RIT2: variants seen among roughly 807,000 people sequenced by gnomAD.
RIT2 encodes GTP-binding protein Rit2.
Under a neutral mutation model 23.7 loss-of-function variants are expected in RIT2, and 24 were observed. The ratio of observed to expected loss-of-function variants is 1.01; its 90% CI spans 0.73 to 1.43. RIT2 has a LOEUF of 1.43. Ranked by LOEUF, RIT2 falls within the 40% of genes most tolerant of loss-of-function variation. RIT2 has a pLI of 0.00. For missense variants in RIT2, 236 were observed against 266.9 expected (o/e 0.88, Z 0.81); for synonymous variants, 107 against 91.1 (o/e 1.17, Z -0.99).
At chr18:42,944,521 T>C (rs1439124150) in intron 3 of RIT2, among the ~76,000 whole-genome samples, 1 of 152,058 alleles carries the variant, frequency 6.6e-6, no homozygotes, top group African/African-American at 2.4e-5. Context: ...GCCCCTGTGA[T>C]TTCGAGAGAA....
chr18:42,778,659 T>C (rs1354912243), intron 4 of RIT2, among the ~76,000 whole-genome samples: 1 of 148,658 alleles, frequency 6.7e-6, no homozygotes, highest in East Asian at 2.0e-4. Flanking sequence ...CATTACCAGC[T>C]CTATTACCCA....
At chr18:42,921,730 C>A (rs1483950934) in intron 4 of RIT2, among the ~76,000 whole-genome samples, 1 of 152,000 alleles carries the variant, frequency 6.6e-6, no homozygotes, top group African/African-American at 2.4e-5. Context: ...TAACTGAAAC[C>A]CTGTCAGAGG....
At chr18:43,067,477 C>T (rs1030417633) in intron 1 of RIT2, among the ~76,000 whole-genome samples, 1 of 152,074 alleles carries the variant, frequency 6.6e-6, no homozygotes, top group Non-Finnish European at 1.5e-5. Flanking sequence ...AGACATGAGA[C>T]ATCAATCAAA....
intron 4 of RIT2, among the ~76,000 whole-genome samples, chr18:42,809,913 A>G (rs1190713092): frequency 6.9e-6 from 1 of 143,888 alleles, no homozygotes; most frequent in Non-Finnish European, 1.5e-5. Flanking sequence ...TATAATATAT[A>G]TAATTTGTAT....
At chr18:42,954,360 G>A (rs9945439) in intron 3 of RIT2, among the ~76,000 whole-genome samples, 1,959 of 132,148 alleles carry the variant, frequency 0.015, 57 homozygotes, top group African/African-American at 0.053. Flanking sequence ...TAGGCAATGA[G>A]TGAATTTCCA....
chr18:42,951,014 T>A (rs1197151605), intron 3 of RIT2, among the ~76,000 whole-genome samples: 1 of 152,020 alleles, frequency 6.6e-6, no homozygotes, highest in Non-Finnish European at 1.5e-5. Context: ...TTTGAAGATT[T>A]CTCAGAGAAC....
chr18:43,085,767 G>A (rs1014632228), intron 1 of RIT2, among the ~76,000 whole-genome samples: 4 of 152,134 alleles, frequency 2.6e-5, no homozygotes, highest in African/African-American at 7.2e-5. Flanking sequence ...ATTTTGAATT[G>A]TAGCTCCCAT....
At chr18:42,969,693 G>C (rs1457072467) in intron 3 of RIT2, among the ~76,000 whole-genome samples, 33 of 151,702 alleles carry the variant, frequency 2.2e-4, no homozygotes, top group Admixed American at 2.1e-3. Flanking sequence ...AAAATTGAAG[G>C]TATTTGCAGA....
chr18:43,007,603 T>C (rs1383861678), intron 2 of RIT2, among the ~76,000 whole-genome samples: 1 of 151,658 alleles, frequency 6.6e-6, no homozygotes, highest in Non-Finnish European at 1.5e-5. Flanking sequence ...ACTAGAGTTG[T>C]GTTCATAAGA....
intron 4 of RIT2, among the ~76,000 whole-genome samples, chr18:42,772,343 A>G (rs189604195): frequency 7.2e-5 from 11 of 152,146 alleles, no homozygotes; most frequent in Admixed American, 5.9e-4. Context: ...TTTTATCTCA[A>G]AGTAAGTATC....
At chr18:42,904,025 T>C (rs1908547397) in intron 4 of RIT2, among the ~76,000 whole-genome samples, 1 of 152,102 alleles carries the variant, frequency 6.6e-6, no homozygotes, top group Non-Finnish European at 1.5e-5. Context: ...GTATAAATTG[T>C]AATGCTATAT....
chr18:42,976,445 G>A (rs1910479720), intron 2 of RIT2, among the ~76,000 whole-genome samples: 1 of 152,028 alleles, frequency 6.6e-6, no homozygotes, highest in African/African-American at 2.4e-5. Flanking sequence ...ATTTGAATGA[G>A]GTATCTGAAG....
At chr18:42,969,826 AT>A (rs1172334817) in intron 3 of RIT2, among the ~76,000 whole-genome samples, 2 of 151,992 alleles carry the variant, frequency 1.3e-5, no homozygotes, top group African/African-American at 4.8e-5. Context: ...TTTATCTTTA[AT>A]TTTTTATTTA....
intron 2 of RIT2, among the ~76,000 whole-genome samples, chr18:42,986,624 C>G (rs1330132973): frequency 6.6e-6 from 1 of 152,020 alleles, no homozygotes; most frequent in Non-Finnish European, 1.5e-5. Context: ...GCCACAGCCT[C>G]CTGAGTAGCT....
chr18:42,778,250 T>A (rs950170620), intron 4 of RIT2, among the ~76,000 whole-genome samples: 3 of 152,120 alleles, frequency 2.0e-5, no homozygotes, highest in Non-Finnish European at 4.4e-5. Flanking sequence ...TCTTATAGTG[T>A]CACCAAAAGA....
chr18:42,843,980 G>A (rs971703070), intron 4 of RIT2, among the ~76,000 whole-genome samples: 2 of 152,158 alleles, frequency 1.3e-5, no homozygotes, highest in African/African-American at 4.8e-5. Context: ...AAATATAAAA[G>A]AGATAGAGTC....
chr18:42,795,517 C>T (rs1598657074), intron 4 of RIT2, among the ~76,000 whole-genome samples: 1 of 152,362 alleles, frequency 6.6e-6, no homozygotes, highest in East Asian at 1.9e-4. Flanking sequence ...GCCTCCCACC[C>T]CCTCCATGGG....
chr18:42,767,657 A>T (rs1228532701), intron 4 of RIT2, among the ~76,000 whole-genome samples: 3 of 152,098 alleles, frequency 2.0e-5, no homozygotes, highest in Non-Finnish European at 4.4e-5. Context: ...TGAGATTTGG[A>T]GGGGCCACGG....
intron 4 of RIT2, among the ~76,000 whole-genome samples, chr18:42,803,578 A>G (rs529735676): frequency 1.3e-5 from 2 of 152,340 alleles, no homozygotes; most frequent in South Asian, 4.1e-4. Context: ...GCAGAAATTT[A>G]GTATGCATTC....
Sources: gnomAD v4.1 joint callset for allele counts (sites outside exome capture counted in the v4.1 genomes callset) on GRCh38, gnomAD v4.1.1 for gene constraint, MANE v1.5 for transcripts, NCBI Gene and HGNC (gene_info 2026-07-23, HGNC 2026-07-21) for gene names.